Variants in LPIN1 observed in about 807,000 individuals in gnomAD.
The protein encoded by LPIN1 is lipin 1, also known as phosphatidate phosphatase LPIN1.
LPIN1 carries 71 observed loss-of-function variants against 107.5 expected under a neutral mutation model. The observed-to-expected ratio is 0.66, with a 90% confidence interval of 0.55 to 0.80. LPIN1 has a LOEUF of 0.80. Ranked by LOEUF, LPIN1 falls within the 30% of genes least tolerant of loss-of-function variation. LPIN1 has a pLI of 0.00. For missense variants in LPIN1, 1,043 were observed against 1,160.6 expected (o/e 0.90, Z 1.47); for synonymous variants, 445 against 452.6 (o/e 0.98, Z 0.21).
intron 1 of LPIN1, among the ~76,000 whole-genome samples, chr2:11,703,789 A>G (rs1663001579): frequency 1.3e-5 from 2 of 152,172 alleles, no homozygotes; most frequent in African/African-American, 2.4e-5. Context: ...TATCCCTCCA[A>G]AACAAACTGA....
intron 20 of LPIN1, among the ~76,000 whole-genome samples, chr2:11,823,550 A>G (rs1261588275): frequency 1.3e-5 from 2 of 152,076 alleles, no homozygotes; most frequent in Admixed American, 6.5e-5. Context: ...ACATTATTTT[A>G]TACCTCAGAA....
chr2:11,824,537 C>A, intron 20 of LPIN1, 95 bp from the exon 21 acceptor site: 2 of 1,267,382 alleles, frequency 1.6e-6, no homozygotes, highest in Non-Finnish European at 2.3e-6. Flanking sequence ...GCGGTCTGCT[C>A]CTTGAGGTTG....
intron 1 of LPIN1, among the ~76,000 whole-genome samples, chr2:11,704,551 A>G (rs977222188): frequency 6.6e-6 from 1 of 152,208 alleles, no homozygotes. Context: ...TACTAAATCT[A>G]GTTATATCTA....
intron 1 of LPIN1, among the ~76,000 whole-genome samples, chr2:11,740,177 A>C (rs1666196389): frequency 6.6e-6 from 1 of 152,122 alleles, no homozygotes; most frequent in Non-Finnish European, 1.5e-5. Context: ...AGCTTCAGAA[A>C]AGGGAGTGAA....
Position 11,707,837 on chromosome 2 carries a change from C to T in LPIN1, c.82-5919C>T, listed in dbSNP as rs552286980. Among the ~76,000 whole-genome samples, 45 of 152,300 alleles carry T rather than the reference C, an allele frequency of 3.0e-4. No homozygotes were observed. Among genetic ancestry groups the T allele is most frequent in the Non-Finnish European group, 4.1e-4 (28 of 68,032 alleles). ...CTTACCATTGAGCCAGGCATGATTACTTCCTTCAAATGACTCTTCTGATGT... is the reference window on the plus strand; with the variant it reads ...CTTACCATTGAGCCAGGCATGATTATTTCCTTCAAATGACTCTTCTGATGT... On this transcript the variant is annotated intron_variant, in intron 1 of 21. Transcript: ENST00000449576. The surrounding 1 kb of genome is among the most constrained non-coding windows in gnomAD (Gnocchi z 4.2).
At chr2:11,686,032 G>C (rs1661982716) in intron 1 of LPIN1, among the ~76,000 whole-genome samples, 1 of 152,172 alleles carries the variant, frequency 6.6e-6, no homozygotes, top group Middle Eastern at 3.2e-3. Context: ...AAACCCCCCA[G>C]CTGGTGGGAT....
chr2:11,795,468 C>G lies in LPIN1; in HGVS notation c.1867C>G (p.Gln623Glu), dbSNP rs1310713346. The G allele has an allele frequency of 6.2e-7, 1 of 1,614,052 alleles. No homozygotes were observed. The highest frequency in any genetic ancestry group is 1.3e-5 in the African/African-American group (1 of 74,946). ...CCATAGCACCGGAGAGCAACCGCCG[C>G]AGCTCAGCTTGGCCACCAGGTGCGG... ...KAHSTGEQPPQLSLATRVKHE... is the reference protein window; with the variant it reads ...KAHSTGEQPPELSLATRVKHE... Residue 623 changes from glutamine (Q) to glutamate (E), a missense_variant, in exon 14 of 21, where the codon CAG becomes GAG. Physicochemically the swap from Gln to Glu is conservative, Grantham distance 29. Transcript: ENST00000674199.
At chr2:11,802,115 G>A (rs781398865) in intron 14 of LPIN1, among the ~76,000 whole-genome samples, 13 of 151,842 alleles carry the variant, frequency 8.6e-5, no homozygotes, top group Non-Finnish European at 1.0e-4. Flanking sequence ...GATTCATATA[G>A]CATTGAGGCA....
intron 1 of LPIN1, among the ~76,000 whole-genome samples, chr2:11,761,347 A>G (rs1669801011): frequency 6.6e-6 from 1 of 152,234 alleles, no homozygotes; most frequent in South Asian, 2.1e-4. Context: ...TAAACTTAGA[A>G]AAATGTGTGT....
At chr2:11,824,538 C>T in intron 20 of LPIN1, 94 bp from the exon 21 acceptor site, 1 of 1,288,924 alleles carries the variant, frequency 7.8e-7, no homozygotes, top group Non-Finnish European at 1.1e-6. Flanking sequence ...CGGTCTGCTC[C>T]TTGAGGTTGT....
chr2:11,696,463 A>G (rs1401479906), intron 1 of LPIN1, among the ~76,000 whole-genome samples: 1 of 152,172 alleles, frequency 6.6e-6, no homozygotes, highest in Admixed American at 6.5e-5. Flanking sequence ...CCATAGGTAC[A>G]TATAGTCTAT....
intron 1 of LPIN1, among the ~76,000 whole-genome samples, chr2:11,760,966 T>C (rs1669730394): frequency 1.3e-5 from 2 of 152,236 alleles, no homozygotes; most frequent in South Asian, 4.2e-4. Flanking sequence ...TCCAAAGACC[T>C]GGGTTCCAGT....
chr2:11,773,499 G>T, intron 4 of LPIN1, 121 bp from the exon 5 acceptor site: 1 of 831,134 alleles, frequency 1.2e-6, no homozygotes, highest in Non-Finnish European at 2.0e-6. Context: ...AACAGATCTG[G>T]GTGTTTAAAG....
chr2:11,679,042 G>A (rs553459618), intron 1 of LPIN1, among the ~76,000 whole-genome samples: 8 of 152,330 alleles, frequency 5.3e-5, no homozygotes, highest in Non-Finnish European at 1.0e-4. Flanking sequence ...AATGGCACTC[G>A]CATCTTCCCA....
chr2:11,824,631 G>A lies in LPIN1; in HGVS notation c.2622-1G>A. ...CAGTGACAATGTCCCTTTCCTTCCA[G>A]GTATGTGAGACTCTGTGAAGTAGTC... On this transcript the variant is annotated splice_acceptor_variant, in intron 20 of 20. Transcript: ENST00000674199. LOFTEE classifies it high-confidence loss of function. 1.2e-6 allele frequency: 2 copies of A among 1,613,988 alleles called. No individual in the cohort carries two copies. The highest frequency in any genetic ancestry group is 1.1e-5 in the South Asian group (1 of 91,062).
intron 1 of LPIN1, among the ~76,000 whole-genome samples, chr2:11,705,052 G>A (rs1045629079): frequency 5.3e-5 from 8 of 152,208 alleles, no homozygotes; most frequent in Admixed American, 1.3e-4. Flanking sequence ...AAGGCATGAA[G>A]CCCCTTGAGG....
rs536299214 is a variant in LPIN1, at chr2:11,786,803, C to T, written c.1550-271C>T. Among the ~76,000 whole-genome samples, 74 of 152,348 alleles carry T rather than the reference C, an allele frequency of 4.9e-4. No homozygotes were observed. The highest frequency in any genetic ancestry group is 1.7e-3 in the African/African-American group (72 of 41,584). ...GATGCACGTGTGTGCTGTTTTCACC[C>T]CTACTCCCTGTGTGAACGTATGTGC... On this transcript the variant is annotated intron_variant, in intron 10 of 20. Coordinates refer to ENST00000674199, the MANE Select transcript of LPIN1 (RefSeq NM_001349206.2). The surrounding 1 kb of genome is among the most constrained non-coding windows in gnomAD (Gnocchi z 4.1).
At position 11,795,472 on chromosome 2, in the gene LPIN1, T is replaced by C; in HGVS notation, c.1871T>C (p.Leu624Pro). Reference protein sequence around the residue: ...AHSTGEQPPQLSLATRVKHES... With the variant: ...AHSTGEQPPQPSLATRVKHES... ...AGCACCGGAGAGCAACCGCCGCAGC[T>C]CAGCTTGGCCACCAGGTGCGGTAGG... Residue 624 changes from leucine (L) to proline (P), a missense_variant, in exon 14 of 21, where the codon CTC (leucine) becomes CCC (proline). Transcript: ENST00000674199. 6.2e-7 allele frequency: 1 copy of C among 1,614,142 alleles called. No individual in the cohort carries two copies. The highest frequency in any genetic ancestry group is 8.5e-7 in the Non-Finnish European group (1 of 1,180,018).
chr2:11,693,400 G>T lies in LPIN1; in HGVS notation c.81+15672G>T, dbSNP rs551391107. Among the ~76,000 whole-genome samples the T allele has an allele frequency of 1.1e-4, 17 of 152,106 alleles. No homozygotes were observed. The East Asian group carries it at 3.3e-3, about 29-fold the overall frequency. Reference sequence around the variant, plus strand: ...AAAGATCTGGTCAGCAGTCTGAGCTGGTCTAAATCTAGAGCCCTGCACTAT... The same window carrying T: ...AAAGATCTGGTCAGCAGTCTGAGCTTGTCTAAATCTAGAGCCCTGCACTAT... On this transcript the variant is annotated intron_variant, in intron 1 of 21. Coordinates refer to the LPIN1 transcript ENST00000449576.
Sources: allele counts gnomAD v4.1 joint callset (sites outside exome capture counted in the v4.1 genomes callset), GRCh38; gene constraint gnomAD v4.1.1; non-coding constraint Gnocchi (gnomAD v3.1); transcripts MANE v1.5; gene names NCBI Gene and HGNC (gene_info 2026-07-23, HGNC 2026-07-21).